SYT14: variants seen among roughly 807,000 people sequenced by gnomAD.
SYT14 encodes the protein synaptotagmin-14.
In SYT14, 32 loss-of-function variants were observed where a neutral mutation model predicts 74.2. That is an observed-to-expected ratio of 0.43 (90% CI 0.33 to 0.58). The LOEUF (loss-of-function observed/expected upper bound fraction) is 0.58. Ranked by LOEUF, SYT14 falls within the 20% of genes least tolerant of loss-of-function variation. The probability of loss-of-function intolerance (pLI) is 0.05; values close to 1 mark genes in which losing one functional copy is unlikely to be tolerated. For synonymous variants in SYT14, 298 were observed against 337.7 expected (o/e 0.88, Z 1.29); for missense variants, 791 against 981.8 (o/e 0.81, Z 2.60).
intron 1 of SYT14, among the ~76,000 whole-genome samples, chr1:209,946,063 C>T (rs753230643): frequency 6.6e-6 from 1 of 152,048 alleles, no homozygotes; most frequent in Non-Finnish European, 1.5e-5. Context: ...TTGTTTTGGG[C>T]GCTACGAGCC....
chr1:209,962,853 C>T (rs1337893777), intron 2 of SYT14, among the ~76,000 whole-genome samples: 2 of 151,966 alleles, frequency 1.3e-5, no homozygotes, highest in Non-Finnish European at 2.9e-5. Flanking sequence ...ACTAAGTTCT[C>T]CTTTACTCTG....
chr1:210,127,506 A>C (rs2082590974), intron 7 of SYT14, among the ~76,000 whole-genome samples: 1 of 152,192 alleles, frequency 6.6e-6, no homozygotes, highest in African/African-American at 2.4e-5. Flanking sequence ...TTTAGTCTCC[A>C]AAGTAGGAGG....
At chr1:210,155,675 A>G (rs778900102) in intron 7 of SYT14, 46 bp from the exon 7 acceptor site, 4 of 1,594,960 alleles carry the variant, frequency 2.5e-6, no homozygotes, top group Non-Finnish European at 1.7e-6. Context: ...ATCTCTTAAT[A>G]TATCTCTCTT....
intron 2 of SYT14, among the ~76,000 whole-genome samples, chr1:210,012,439 T>G (rs2102917213): frequency 6.6e-6 from 1 of 152,290 alleles, no homozygotes; most frequent in South Asian, 2.1e-4. Flanking sequence ...GAGGAGTTGG[T>G]CGTTCCAGGC....
At chr1:210,120,558 C>T (rs148203654) in intron 7 of SYT14, among the ~76,000 whole-genome samples, 9 of 152,164 alleles carry the variant, frequency 5.9e-5, no homozygotes, top group South Asian at 2.1e-4. Context: ...GTGTTCAGTA[C>T]GGTAACCTGC....
At position 210,149,309 on chromosome 1, in the gene SYT14, C is replaced by T. The variant is rs1476175512; in HGVS notation, c.2035-6412C>T. On this transcript the variant is annotated intron_variant, in intron 7 of 9. Transcript: ENST00000637265. ...AAGCAATTTTCATGCCTCTGCCTCC[C>T]GAGTAGCTGGGATTACAGGCGCCTG... Among the ~76,000 whole-genome samples, 17 of 151,522 alleles carry T rather than the reference C, an allele frequency of 1.1e-4. No homozygotes were observed. The East Asian group carries it at 3.1e-3, about 28-fold the overall frequency.
intron 5 of SYT14, among the ~76,000 whole-genome samples, chr1:210,076,164 G>A (rs548669146): frequency 2.6e-5 from 4 of 152,196 alleles, no homozygotes; most frequent in African/African-American, 9.6e-5. Flanking sequence ...GTTTTATTGA[G>A]ATACTTGACT....
chr1:209,941,138 T>A (rs2078723870), intron 1 of SYT14, among the ~76,000 whole-genome samples: 1 of 152,162 alleles, frequency 6.6e-6, no homozygotes, highest in Admixed American at 6.5e-5. Flanking sequence ...CTAAGGATTG[T>A]TTTCATTTTC....
chr1:209,977,898 C>T (rs369251510), intron 2 of SYT14, among the ~76,000 whole-genome samples: 3 of 151,292 alleles, frequency 2.0e-5, no homozygotes, highest in African/African-American at 4.9e-5. Context: ...GGAGGCTTTG[C>T]TCATTTCTTT....
At chr1:210,084,593 C>G (rs1156461711) in intron 5 of SYT14, among the ~76,000 whole-genome samples, 2 of 152,322 alleles carry the variant, frequency 1.3e-5, no homozygotes, top group East Asian at 1.9e-4. Context: ...TTCTGCAGAG[C>G]AGATCGTGGC....
chr1:210,031,966 G>T (rs1372739338), intron 5 of SYT14, among the ~76,000 whole-genome samples: 3 of 152,116 alleles, frequency 2.0e-5, no homozygotes, highest in African/African-American at 7.2e-5. Flanking sequence ...GGACTACTAT[G>T]CACTTTAGCA....
At chr1:210,123,831 A>G (rs1262443155) in intron 7 of SYT14, among the ~76,000 whole-genome samples, 1 of 152,202 alleles carries the variant, frequency 6.6e-6, no homozygotes, top group Non-Finnish European at 1.5e-5. Flanking sequence ...TATGCAACAG[A>G]AAGGGTCCAT....
chr1:210,010,353 A>G (rs2102910057), intron 2 of SYT14, among the ~76,000 whole-genome samples: 1 of 152,248 alleles, frequency 6.6e-6, no homozygotes, highest in South Asian at 2.1e-4. Flanking sequence ...TATGTCAGCT[A>G]TGTGGTGCTG....
intron 5 of SYT14, among the ~76,000 whole-genome samples, chr1:210,070,854 A>C (rs755460412): frequency 6.6e-6 from 1 of 150,788 alleles, no homozygotes; most frequent in Non-Finnish European, 1.5e-5. Context: ...AAGCTGATTT[A>C]GGTGGATACA....
intron 7 of SYT14, among the ~76,000 whole-genome samples, chr1:210,139,623 C>T (rs571257957): frequency 1.2e-4 from 19 of 152,228 alleles, no homozygotes; most frequent in African/African-American, 3.1e-4. Context: ...ATCCCCGCCA[C>T]GAAAACTCTG....
At chr1:210,074,172 A>G (rs1231573329) in intron 5 of SYT14, among the ~76,000 whole-genome samples, 1 of 152,206 alleles carries the variant, frequency 6.6e-6, no homozygotes, top group African/African-American at 2.4e-5. Context: ...ATTAATGCTA[A>G]TATGATCACT....
intron 7 of SYT14, among the ~76,000 whole-genome samples, chr1:210,110,383 A>G (rs868028557): frequency 6.6e-5 from 10 of 152,240 alleles, no homozygotes; most frequent in African/African-American, 2.4e-4. Flanking sequence ...GGACAGGATG[A>G]TACAAACTTT....
At chr1:210,145,921 G>A (rs1053287413) in intron 7 of SYT14, among the ~76,000 whole-genome samples, 9 of 152,158 alleles carry the variant, frequency 5.9e-5, no homozygotes, top group Non-Finnish European at 1.2e-4. Context: ...AGTCTGCCTT[G>A]AAATCAGTTC....
chr1:210,043,861 A>G (rs1389806466), intron 5 of SYT14, among the ~76,000 whole-genome samples: 2 of 152,280 alleles, frequency 1.3e-5, no homozygotes, highest in Middle Eastern at 3.4e-3. Flanking sequence ...CAGGTACTCT[A>G]TTTTTATTAT....
Sources: gnomAD v4.1 joint callset for allele counts (sites outside exome capture counted in the v4.1 genomes callset) on GRCh38, gnomAD v4.1.1 for gene constraint, MANE v1.5 for transcripts, NCBI Gene and HGNC (gene_info 2026-07-23, HGNC 2026-07-21) for gene names.